WWC2: variants seen among roughly 807,000 people sequenced by gnomAD.
WWC2 encodes WW and C2 domain containing 2.
Under a neutral mutation model 138.5 loss-of-function variants are expected in WWC2, and 101 were observed. The observed-to-expected ratio is 0.73, with a 90% CI of 0.62 to 0.86. The LOEUF (loss-of-function observed/expected upper bound fraction) is 0.86, where lower values mean the gene tolerates loss of function less well. Ranked by LOEUF, WWC2 falls within the 40% of genes least tolerant of loss-of-function variation. The probability of loss-of-function intolerance (pLI) is 0.00; values close to 1 mark genes in which losing one functional copy is unlikely to be tolerated. For missense variants in WWC2, 1,420 were observed against 1,419.4 expected (o/e 1.00, Z -0.01); for synonymous variants, 558 against 538.4 (o/e 1.04, Z -0.50).
intron 1 of WWC2, among the ~76,000 whole-genome samples, chr4:183,105,132 C>T (rs1743310231): frequency 6.6e-6 from 1 of 152,182 alleles, no homozygotes; most frequent in Non-Finnish European, 1.5e-5. Flanking sequence ...TGGTCTCAAA[C>T]TCCTGACCTC....
At chr4:183,182,607 C>G (rs981936979) in intron 1 of WWC2, among the ~76,000 whole-genome samples, 7 of 152,064 alleles carry the variant, frequency 4.6e-5, no homozygotes, top group Non-Finnish European at 1.0e-4. Context: ...CATAAAAATA[C>G]TTTAAAAACC....
chr4:183,296,671 C>T (rs1055998937), intron 21 of WWC2, among the ~76,000 whole-genome samples: 3 of 152,056 alleles, frequency 2.0e-5, no homozygotes, highest in South Asian at 4.2e-4. Flanking sequence ...CGGTGGCTCA[C>T]GCCTGTAATC....
intron 1 of WWC2, among the ~76,000 whole-genome samples, chr4:183,133,697 G>A (rs573720629): frequency 1.1e-4 from 17 of 152,062 alleles, no homozygotes; most frequent in East Asian, 9.7e-4. Flanking sequence ...GGGTTTCACC[G>A]TGTTGGCCAG....
intron 2 of WWC2, among the ~76,000 whole-genome samples, chr4:183,197,745 T>C (rs114228379): frequency 0.039 from 5,975 of 152,298 alleles, 180 homozygotes; most frequent in Non-Finnish European, 0.063. Flanking sequence ...ATTTTTTTTC[T>C]TTTAGTAATC....
Position 183,282,701 on chromosome 4 carries a change from A to G in WWC2, c.2685-7A>G. The G allele has an allele frequency of 6.4e-7, 1 of 1,561,036 alleles. No homozygotes were observed. The highest frequency in any genetic ancestry group is 8.7e-7 in the Non-Finnish European group (1 of 1,151,886). The stretch of plus-strand genomic sequence containing the variant: ...ACCAAAAGTGTTTTGTTTTTGTTTT[A>G]CCATAGGCTAACAATGCTAAGAGAG... On this transcript the variant is annotated splice_region_variant and splice_polypyrimidine_tract_variant and intron_variant, in intron 17 of 22. Transcript: ENST00000403733.
At chr4:183,211,509 A>C (rs933928193) in intron 4 of WWC2, among the ~76,000 whole-genome samples, 4 of 152,074 alleles carry the variant, frequency 2.6e-5, no homozygotes, top group Non-Finnish European at 5.9e-5. Flanking sequence ...ATTTGAGCTG[A>C]CTGTAGCCTG....
intron 1 of WWC2, among the ~76,000 whole-genome samples, chr4:183,151,805 A>G (rs1002276928): frequency 6.6e-6 from 1 of 152,122 alleles, no homozygotes; most frequent in African/African-American, 2.4e-5. Flanking sequence ...GAATCCTTTC[A>G]ACATTTCTTG....
At chr4:183,304,972 C>T (rs1164389960) in intron 21 of WWC2, among the ~76,000 whole-genome samples, 2 of 152,110 alleles carry the variant, frequency 1.3e-5, no homozygotes, top group Non-Finnish European at 2.9e-5. Flanking sequence ...TTTAAACTAA[C>T]TGTGGTTAGT....
intron 1 of WWC2, among the ~76,000 whole-genome samples, chr4:183,134,400 A>G (rs79445174): frequency 0.03 from 4,548 of 151,936 alleles, 234 homozygotes; most frequent in African/African-American, 0.1. Flanking sequence ...TGCTTATTAG[A>G]TAATAAACCT....
intron 22 of WWC2, among the ~76,000 whole-genome samples, chr4:183,314,678 A>G (rs982218713): frequency 3.9e-5 from 6 of 152,242 alleles, no homozygotes; most frequent in African/African-American, 1.4e-4. Context: ...AGGTGCCGGC[A>G]ACTACTTCAG....
chr4:183,152,530 T>TA (rs572757609), intron 1 of WWC2, among the ~76,000 whole-genome samples: 6,142 of 126,192 alleles, frequency 0.049, 369 homozygotes, highest in Admixed American at 0.17. Flanking sequence ...AAGTGAAACT[T>TA]AAAAAAAAAA....
intron 4 of WWC2, among the ~76,000 whole-genome samples, chr4:183,225,805 G>GT (rs1736054806): frequency 6.6e-6 from 1 of 152,142 alleles, no homozygotes; most frequent in Admixed American, 6.5e-5. Context: ...ACAAACAAAA[G>GT]TAACTGCTCT....
chr4:183,170,183 C>T (rs1315174277), intron 1 of WWC2, among the ~76,000 whole-genome samples: 1 of 152,136 alleles, frequency 6.6e-6, no homozygotes, highest in Non-Finnish European at 1.5e-5. Context: ...GTGCCGTTGG[C>T]CAGAGAATGA....
intron 16 of WWC2, among the ~76,000 whole-genome samples, chr4:183,273,356 G>T (rs1213124850): frequency 6.6e-6 from 1 of 152,054 alleles, no homozygotes; most frequent in Non-Finnish European, 1.5e-5. Flanking sequence ...CCAGGCTGGA[G>T]TACAATGGCA....
At chr4:183,124,043 G>A (rs538194106) in intron 1 of WWC2, among the ~76,000 whole-genome samples, 1 of 152,212 alleles carries the variant, frequency 6.6e-6, no homozygotes, top group East Asian at 1.9e-4. Flanking sequence ...TATGTTCCTT[G>A]CAGTTTGGTA....
intron 4 of WWC2, among the ~76,000 whole-genome samples, chr4:183,223,144 A>G (rs1467708494): frequency 6.6e-6 from 1 of 152,170 alleles, no homozygotes; most frequent in African/African-American, 2.4e-5. Context: ...ACAGTTGCCT[A>G]CAGTTTTCAG....
At position 183,127,773 on chromosome 4, in the gene WWC2, CATG is replaced by C. The variant is rs376078111; in HGVS notation, c.131+28153_131+28155del. Among the ~76,000 whole-genome samples, 194 of 151,994 alleles carry C rather than the reference CATG, an allele frequency of 1.3e-3. 1 individual carries two copies. The highest frequency in any genetic ancestry group is 4.4e-3 in the African/African-American group (182 of 41,460). On this transcript the variant is annotated intron_variant, in intron 1 of 22. Transcript: ENST00000403733. Reference sequence around the variant, plus strand: ...TACAATACAATTTTTTAATTGAAAACATGAAACTATAAAAATCCATAAAATCTA... The same window carrying C: ...TACAATACAATTTTTTAATTGAAAACAAACTATAAAAATCCATAAAATCTA...
At chr4:183,254,413 G>A (rs1392471320) in intron 9 of WWC2, among the ~76,000 whole-genome samples, 1 of 152,212 alleles carries the variant, frequency 6.6e-6, no homozygotes, top group Admixed American at 6.5e-5. Flanking sequence ...GGAAAAGACA[G>A]CTTCCTCCCT....
At chr4:183,284,498 A>G (rs904609512) in intron 19 of WWC2, 108 bp downstream of exon 19, 2 of 1,240,274 alleles carry the variant, frequency 1.6e-6, no homozygotes, top group East Asian at 2.4e-5. Flanking sequence ...TCCACATGAC[A>G]ACGACAAATG....
Sources: gnomAD v4.1 joint callset for allele counts (sites outside exome capture counted in the v4.1 genomes callset) on GRCh38, gnomAD v4.1.1 for gene constraint, MANE v1.5 for transcripts, NCBI Gene and HGNC (gene_info 2026-07-23, HGNC 2026-07-21) for gene names.